The following HOXD10 variants were observed in gnomAD, a reference collection of about 807,000 sequenced individuals.
HOXD10 encodes homeobox D10, also known as homeobox protein Hox-D10.
In HOXD10, 15 loss-of-function variants were observed where a neutral mutation model predicts 27.0. The ratio of observed to expected loss-of-function variants is 0.56; its 90% CI spans 0.37 to 0.85. HOXD10 has a LOEUF of 0.85. Among genes scored for constraint, HOXD10 ranks in the 40% least tolerant of loss-of-function variants. The pLI is 0.00. For synonymous variants in HOXD10, 178 were observed against 160.9 expected (o/e 1.11, Z -0.80); for missense variants, 440 against 430.4 (o/e 1.02, Z -0.20).
At chr2:176,117,629 C>A (rs1689784199) in intron 1 of HOXD10, 51 bp downstream of exon 1, 1 of 1,603,126 alleles carries the variant, frequency 6.2e-7, no homozygotes, top group Non-Finnish European at 8.5e-7. Flanking sequence ...CCCGGGAACC[C>A]GGCAGAGAGG....
chr2:176,117,127 C>T lies in HOXD10; in HGVS notation c.294C>T (p.Val98=). The stretch of plus-strand genomic sequence containing the variant: ...TAGAGCAACCTGTTACACAGCAAGT[C>T]CCCACTTGCTCCTTCACCACCAACA... ...CRIEQPVTQQ[V]PTCSFTTNIK... Residue 98 remains valine, a synonymous_variant, in exon 1 of 2, where the codon GTC becomes GTT. Transcript: ENST00000249501. 1 of 1,613,070 alleles carries T rather than the reference C, an allele frequency of 6.2e-7. No individual in the cohort carries two copies. The highest frequency in any genetic ancestry group is 8.5e-7 in the Non-Finnish European group (1 of 1,178,994).
In HOXD10 at chr2:176,117,397, G is replaced by A. The variant is rs2593777; in HGVS notation, c.564G>A (p.Pro188=). The change falls in exon 1 of 2, where the codon CCG becomes CCA. Residue 188 remains proline (P), a synonymous_variant. Transcript: ENST00000249501. ...TCAACCCTCGTGGCGCGGCCAAGCCGCAGCTCTCCGCTGCCCAGCTGCAGA... is the reference window on the plus strand; with the variant it reads ...TCAACCCTCGTGGCGCGGCCAAGCCACAGCTCTCCGCTGCCCAGCTGCAGA... ...LQLNPRGAAK[P]QLSAAQLQME... The A allele has an allele frequency of 6.2e-7, 1 of 1,613,408 alleles. No individual in the cohort carries two copies. The highest frequency in any genetic ancestry group is 8.5e-7 in the Non-Finnish European group (1 of 1,180,018).
At position 176,116,958 on chromosome 2, in the gene HOXD10, A is replaced by G. The variant is rs749339605; in HGVS notation, c.125A>G (p.Asp42Gly). Residue 42 changes from aspartate to glycine, a missense_variant, in exon 1 of 2, where the codon GAC (aspartate) becomes GGC (glycine). Coordinates refer to ENST00000249501, the MANE Select transcript of HOXD10 (RefSeq NM_002148.4). Reference sequence around the variant, plus strand: ...ATGTACATGCCACCACCTAGCGCAGACATGGGGACCTATGGAATGCAAACC... The same window carrying G: ...ATGTACATGCCACCACCTAGCGCAGGCATGGGGACCTATGGAATGCAAACC... The part of the protein sequence containing the change: ...ASMYMPPPSA[D>G]MGTYGMQTCG... 1.9e-5 allele frequency: 30 copies of G among 1,614,076 alleles called. No individual in the cohort carries two copies. Among genetic ancestry groups the G allele is most frequent in the Non-Finnish European group, 2.5e-5 (29 of 1,180,042 alleles).
At position 176,117,030 on chromosome 2, in the gene HOXD10, A is replaced by C; in HGVS notation, c.197A>C (p.Asn66Thr). ...SLAKREVNHQ[N>T]MGMNVHPYIP... is the part of the protein sequence containing the mutation. ...GCCAAAAGAGAAGTGAACCACCAAA[A>C]TATGGGTATGAATGTGCATCCTTAT... The change falls in exon 1 of 2, where the codon AAT (asparagine) becomes ACT (threonine). Residue 66 changes from asparagine (N) to threonine (T), a missense_variant. Coordinates refer to ENST00000249501, the MANE Select transcript of HOXD10 (RefSeq NM_002148.4). 2.5e-6 allele frequency: 4 copies of C among 1,614,164 alleles called. No individual in the cohort carries two copies. Among genetic ancestry groups the C allele is most frequent in the Non-Finnish European group, 3.4e-6 (4 of 1,180,010 alleles).
At chr2:176,117,603 C>G (rs767431196) in intron 1 of HOXD10, 25 bp downstream of exon 1, 3 of 1,611,088 alleles carry the variant, frequency 1.9e-6, no homozygotes, top group Non-Finnish European at 2.5e-6. Flanking sequence ...AGTTGCCACC[C>G]CAGCGGGGCG....
chr2:176,118,272 T>C (rs1398212852), intron 1 of HOXD10, among the ~76,000 whole-genome samples: 5 of 152,092 alleles, frequency 3.3e-5, no homozygotes, highest in Non-Finnish European at 7.4e-5. Context: ...CCTCCTCCTC[T>C]CCCCCAGTGC....
chr2:176,119,406 G>T lies in HOXD10; in HGVS notation c.*175G>T, dbSNP rs1277527101. The T allele has an allele frequency of 5.4e-6, 3 of 550,604 alleles. No homozygotes were observed. The African/African-American group carries it at 6.5e-5, about 12-fold the overall frequency. 34.1% of individuals were successfully genotyped at this position (550,604 alleles called of 1,614,324 possible). A position where few individuals can be genotyped will look rare whatever the true frequency, so the allele number is the denominator to read the frequency against. On this transcript the variant is annotated 3_prime_UTR_variant, in exon 2 of 2. Transcript: ENST00000249501. ...ATGTGACTTTGGGGTCATTATGTTCGTGCTGCAAGTGATCTGTAATCCCTA... is the reference window on the plus strand; with the variant it reads ...ATGTGACTTTGGGGTCATTATGTTCTTGCTGCAAGTGATCTGTAATCCCTA...
At position 176,116,782 on chromosome 2, in the gene HOXD10, A is replaced by G; in HGVS notation, c.-52A>G. On this transcript the variant is annotated 5_prime_UTR_variant, in exon 1 of 2. Transcript: ENST00000249501. ...AATTACACGGGGAATGTTTTCCTAG[A>G]GATGTCAGCCTACAAAGGACACAAT... 6.4e-7 allele frequency: 1 copy of G among 1,570,574 alleles called. No individual in the cohort carries two copies. The highest frequency in any genetic ancestry group is 1.1e-5 in the South Asian group (1 of 90,102).
rs377327103 is a variant in HOXD10 at position 176,118,182 on chromosome 2, C to T, written c.745+604C>T. Among the ~76,000 whole-genome samples the T allele has an allele frequency of 9.2e-5, 14 of 152,222 alleles. No individual in the cohort carries two copies. In the East Asian group the frequency reaches 9.6e-4, roughly 10 times the overall value. ...CAAAGGCGGAGGGGGAGAGTGGAAC[C>T]CGCATTGCCCTCCCTGCAAGGCCAG... On this transcript the variant is annotated intron_variant, in intron 1 of 1. Coordinates refer to ENST00000249501, the MANE Select transcript of HOXD10 (RefSeq NM_002148.4).
At position 176,119,435 on chromosome 2, in the gene HOXD10, G is replaced by GTATGTATATATATATATA. The variant is rs71409068; in HGVS notation, c.*207_*208insGTATATATATATATATAT. 6.8e-4 allele frequency: 121 copies of GTATGTATATATATATATA among 178,020 alleles called. 3 individuals carry two copies. Among genetic ancestry groups the GTATGTATATATATATATA allele is most frequent in the African/African-American group, 4.8e-3 (103 of 21,512 alleles). 11.0% of individuals were successfully genotyped at this position (178,020 alleles called of 1,614,324 possible). On this transcript the variant is annotated 3_prime_UTR_variant, in exon 2 of 2. Coordinates refer to ENST00000249501, the MANE Select transcript of HOXD10 (RefSeq NM_002148.4). ...TGCAAGTGATCTGTAATCCCTATGA[G>GTATGTATATATATATATA]TATATATATATATATATATATATAT...
At chr2:176,118,864 C>T (rs531185639) in intron 1 of HOXD10, 90 bp from the exon 2 acceptor site, 15 of 1,263,496 alleles carry the variant, frequency 1.2e-5, no homozygotes, top group African/African-American at 1.5e-5. Context: ...AAACGAAAAC[C>T]AAAACCAAAA....
At chr2:176,118,857 C>T (rs377458398) in intron 1 of HOXD10, 97 bp from the exon 2 acceptor site, 4 of 1,107,294 alleles carry the variant, frequency 3.6e-6, no homozygotes, top group Non-Finnish European at 4.0e-6. Flanking sequence ...AAAACAAAAA[C>T]GAAAACCAAA....
At chr2:176,118,435 G>C (rs1183419043) in intron 1 of HOXD10, among the ~76,000 whole-genome samples, 1 of 152,198 alleles carries the variant, frequency 6.6e-6, no homozygotes. Context: ...TCTTTTGAAA[G>C]AGAATGGGCA....
At chr2:176,118,195 C>G (rs1035443861) in intron 1 of HOXD10, among the ~76,000 whole-genome samples, 1 of 152,204 alleles carries the variant, frequency 6.6e-6, no homozygotes, top group Non-Finnish European at 1.5e-5. Context: ...CATTGCCCTC[C>G]CTGCAAGGCC....
chr2:176,117,060 C>T lies in HOXD10; in HGVS notation c.227C>T (p.Pro76Leu). 6.2e-7 allele frequency: 1 copy of T among 1,614,166 alleles called. No individual in the cohort carries two copies. Among genetic ancestry groups the T allele is most frequent in the East Asian group, 2.2e-5 (1 of 44,872 alleles). The change falls in exon 1 of 2, where the codon CCT becomes CTT. Residue 76 changes from proline to leucine, a missense_variant. Coordinates refer to ENST00000249501, the MANE Select transcript of HOXD10 (RefSeq NM_002148.4). ...GGTATGAATGTGCATCCTTATATAC[C>T]TCAAGTAGACAGTTGGACAGATCCG... ...NMGMNVHPYI[P>L]QVDSWTDPNR...
chr2:176,119,254 G>C lies in HOXD10; in HGVS notation c.*23G>C. On this transcript the variant is annotated 3_prime_UTR_variant, in exon 2 of 2. Transcript: ENST00000249501. ...TAGGTCTGAGGCCGGTCTGAGGCCG[G>C]TCAGAGGCCAGGATTGGAGAGGGGG... 2 of 1,610,956 alleles carry C rather than the reference G, an allele frequency of 1.2e-6. No individual in the cohort carries two copies. The highest frequency in any genetic ancestry group is 1.7e-6 in the Non-Finnish European group (2 of 1,179,424).
chr2:176,117,395 C>A lies in HOXD10; in HGVS notation c.562C>A (p.Pro188Thr), dbSNP rs745832332. Reference protein sequence around the residue: ...LQLNPRGAAKPQLSAAQLQME... With the variant: ...LQLNPRGAAKTQLSAAQLQME... ...GCTCAACCCTCGTGGCGCGGCCAAG[C>A]CGCAGCTCTCCGCTGCCCAGCTGCA... The change falls in exon 1 of 2, where the codon CCG (proline) becomes ACG (threonine). Residue 188 changes from proline (P) to threonine (T), a missense_variant. Transcript: ENST00000249501. 5 of 1,613,310 alleles carry A rather than the reference C, an allele frequency of 3.1e-6. No individual in the cohort carries two copies. The highest frequency in any genetic ancestry group is 4.5e-5 in the East Asian group (2 of 44,890).
chr2:176,117,412 C>T lies in HOXD10; in HGVS notation c.579C>T (p.Ala193=), dbSNP rs1397358223. The change falls in exon 1 of 2, where the codon GCC becomes GCT. Residue 193 remains alanine, a synonymous_variant. Transcript: ENST00000249501. ...RGAAKPQLSA[A]QLQMEKKMNE... Reference sequence around the variant, plus strand: ...CGGCCAAGCCGCAGCTCTCCGCTGCCCAGCTGCAGATGGAAAAGAAGATGA... The same window carrying T: ...CGGCCAAGCCGCAGCTCTCCGCTGCTCAGCTGCAGATGGAAAAGAAGATGA... The T allele has an allele frequency of 6.2e-7, 1 of 1,613,366 alleles. No homozygotes were observed. The highest frequency in any genetic ancestry group is 8.5e-7 in the Non-Finnish European group (1 of 1,180,028).
chr2:176,119,431 A>C lies in HOXD10; in HGVS notation c.*200A>C. On this transcript the variant is annotated 3_prime_UTR_variant, in exon 2 of 2. Transcript: ENST00000249501. Reference sequence around the variant, plus strand: ...GTGCTGCAAGTGATCTGTAATCCCTATGAGTATATATATATATATATATAT... The same window carrying C: ...GTGCTGCAAGTGATCTGTAATCCCTCTGAGTATATATATATATATATATAT... 9.0e-6 allele frequency: 3 copies of C among 333,580 alleles called. No homozygotes were observed. The highest frequency in any genetic ancestry group is 5.1e-5 in the East Asian group (1 of 19,442). The allele number at this position is 333,580 out of a possible 1,614,324, so 20.7% of individuals were successfully genotyped here.
Sources: allele counts gnomAD v4.1 joint callset (sites outside exome capture counted in the v4.1 genomes callset), GRCh38; gene constraint gnomAD v4.1.1; transcripts MANE v1.5; gene names NCBI Gene and HGNC (gene_info 2026-07-23, HGNC 2026-07-21).